SMAD1: variants seen among roughly 807,000 people sequenced by gnomAD.
SMAD1 encodes the protein SMAD family member 1.
In SMAD1, 6 loss-of-function variants were observed where a neutral mutation model predicts 41.6. The observed-to-expected ratio is 0.14, with a 90% CI of 0.08 to 0.28. SMAD1 has a LOEUF of 0.28. Ranked by LOEUF, SMAD1 falls within the 10% of genes least tolerant of loss-of-function variation. The pLI, the probability that SMAD1 is intolerant of heterozygous loss-of-function variation, is 1.00. For missense variants in SMAD1, 379 were observed against 582.6 expected (o/e 0.65, Z 3.60); for synonymous variants, 206 against 203.2 (o/e 1.01, Z -0.12).
intron 1 of SMAD1, among the ~76,000 whole-genome samples, chr4:145,510,667 G>A (rs1403619319): frequency 6.6e-6 from 1 of 152,082 alleles, no homozygotes; most frequent in East Asian, 1.9e-4. Context: ...TATTCCTTGC[G>A]TATTTGAAAG....
intron 1 of SMAD1, among the ~76,000 whole-genome samples, chr4:145,504,922 TTGGCCTTAAATTGCTGAAATAATA>T (rs1442486492): frequency 6.6e-6 from 1 of 152,258 alleles, no homozygotes; most frequent in Non-Finnish European, 1.5e-5. Context: ...AAAATATTTA[TTGGCCTTAAATTGCTGAAATAATA>T]TGGTTTTTCC....
intron 2 of SMAD1, among the ~76,000 whole-genome samples, chr4:145,524,670 C>T (rs1251298804): frequency 6.6e-6 from 1 of 151,678 alleles, no homozygotes; most frequent in African/African-American, 2.4e-5. Flanking sequence ...ATTAGGTGGG[C>T]AAGAGAAGAT....
chr4:145,518,582 A>G (rs941576860), intron 2 of SMAD1, among the ~76,000 whole-genome samples: 1 of 126,140 alleles, frequency 7.9e-6, no homozygotes, highest in African/African-American at 2.5e-5. Context: ...ACACCTGGGT[A>G]TTGTTTTTGT....
intron 2 of SMAD1, among the ~76,000 whole-genome samples, chr4:145,533,593 A>T (rs1181067465): frequency 1.3e-5 from 2 of 152,126 alleles, no homozygotes; most frequent in Non-Finnish European, 2.9e-5. Flanking sequence ...CTGAGGCAGG[A>T]GGATCGCTTA....
intron 2 of SMAD1, among the ~76,000 whole-genome samples, chr4:145,527,058 TTAGAA>T (rs1046462368): frequency 1.3e-5 from 2 of 152,166 alleles, no homozygotes; most frequent in African/African-American, 4.8e-5. Context: ...TGTATCTTTC[TTAGAA>T]TAGAAACAAA....
At chr4:145,495,335 C>G (rs1398958689) in intron 1 of SMAD1, among the ~76,000 whole-genome samples, 1 of 152,158 alleles carries the variant, frequency 6.6e-6, no homozygotes, top group African/African-American at 2.4e-5. Flanking sequence ...TTCCTTACCC[C>G]TTACCACAAA....
intron 6 of SMAD1, 50 bp downstream of exon 6, chr4:145,554,090 GCT>G: frequency 2.2e-6 from 3 of 1,342,938 alleles, no homozygotes; most frequent in Non-Finnish European, 2.9e-6. Flanking sequence ...CTTTTGCTGT[GCT>G]TTTTTTTTTT....
At chr4:145,496,424 G>A (rs1262018989) in intron 1 of SMAD1, among the ~76,000 whole-genome samples, 1 of 152,108 alleles carries the variant, frequency 6.6e-6, no homozygotes, top group African/African-American at 2.4e-5. Flanking sequence ...AATTTAAAGT[G>A]CTCAAAACAG....
At chr4:145,490,664 A>C (rs1728726029) in intron 1 of SMAD1, among the ~76,000 whole-genome samples, 1 of 152,210 alleles carries the variant, frequency 6.6e-6, no homozygotes, top group South Asian at 2.1e-4. Flanking sequence ...TGATGAACTA[A>C]ATGAATTGAG....
At chr4:145,493,323 C>T (rs997713554) in intron 1 of SMAD1, among the ~76,000 whole-genome samples, 1 of 152,204 alleles carries the variant, frequency 6.6e-6, no homozygotes, top group Non-Finnish European at 1.5e-5. Context: ...AGAAATTATA[C>T]AGCTGGTTGC....
chr4:145,521,349 A>G (rs1168179867), intron 2 of SMAD1, among the ~76,000 whole-genome samples: 4 of 151,916 alleles, frequency 2.6e-5, no homozygotes, highest in Non-Finnish European at 5.9e-5. Flanking sequence ...TGTTTTTCAC[A>G]TGGTTCTTGA....
In SMAD1 at chr4:145,558,386, A is replaced by T. The variant is rs538701603; in HGVS notation, c.*452A>T. 6.6e-6 allele frequency among the ~76,000 whole-genome samples: 1 copy of T among 152,218 alleles called. No individual in the cohort carries two copies. Among genetic ancestry groups the T allele is most frequent in the Admixed American group, 6.5e-5 (1 of 15,288 alleles). ...TTGAGTCTTCTTTTCATGGGTTTTC[A>T]TAATATTTTAAAACTATTTGTTTAG... is the stretch of plus-strand genomic sequence containing the variant. On this transcript the variant is annotated 3_prime_UTR_variant, in exon 7 of 7. Transcript: ENST00000302085.
At position 145,533,412 on chromosome 4, in the gene SMAD1, G is replaced by A. The variant is rs567775819; in HGVS notation, c.401-6392G>A. On this transcript the variant is annotated intron_variant, in intron 2 of 6. Coordinates refer to ENST00000302085, the MANE Select transcript of SMAD1 (RefSeq NM_005900.3). ...TACTTATACAGTCTCCAGGGTGGGTGTGGTGGCTCATGCCTGTAATCCCAG... is the reference window on the plus strand; with the variant it reads ...TACTTATACAGTCTCCAGGGTGGGTATGGTGGCTCATGCCTGTAATCCCAG... Among the ~76,000 whole-genome samples, 4 of 152,352 alleles carry A rather than the reference G, an allele frequency of 2.6e-5. No homozygotes were observed. The East Asian group carries it at 7.7e-4, about 29-fold the overall frequency.
intron 2 of SMAD1, among the ~76,000 whole-genome samples, chr4:145,515,287 A>G (rs564396157): frequency 4.6e-5 from 7 of 152,230 alleles, no homozygotes; most frequent in African/African-American, 1.7e-4. Flanking sequence ...TTGTCATTGC[A>G]GTACTAATAC....
chr4:145,541,972 G>A (rs777878507), intron 3 of SMAD1, among the ~76,000 whole-genome samples: 8 of 152,218 alleles, frequency 5.3e-5, no homozygotes, highest in Admixed American at 1.3e-4. Context: ...TCTGAAATAG[G>A]AGATAGCTGT....
At chr4:145,497,282 A>C (rs1729134832) in intron 1 of SMAD1, 1 of 152,216 alleles carries the variant, frequency 6.6e-6, no homozygotes, top group Admixed American at 6.5e-5. Context: ...GGTAAGTAAC[A>C]CCGAGCTCAG....
intron 1 of SMAD1, among the ~76,000 whole-genome samples, chr4:145,499,034 T>TA (rs533709260): frequency 1.1e-3 from 170 of 152,262 alleles, no homozygotes; most frequent in Non-Finnish European, 2.1e-3. Context: ...CCATCCTCTA[T>TA]AAAAAACACC....
intron 3 of SMAD1, among the ~76,000 whole-genome samples, chr4:145,540,957 TTATTTATG>T (rs1167422629): frequency 6.6e-6 from 1 of 152,218 alleles, no homozygotes; most frequent in African/African-American, 2.4e-5. Context: ...TTGCTTTCTT[TTATTTATG>T]TATTTATTAC....
chr4:145,534,650 A>G (rs996789411), intron 2 of SMAD1, among the ~76,000 whole-genome samples: 1 of 152,234 alleles, frequency 6.6e-6, no homozygotes, highest in African/African-American at 2.4e-5. Flanking sequence ...GGCAACTCCA[A>G]TCACTGGGTC....
Sources: gnomAD v4.1 joint callset for allele counts (sites outside exome capture counted in the v4.1 genomes callset) on GRCh38, gnomAD v4.1.1 for gene constraint, MANE v1.5 for transcripts, NCBI Gene and HGNC (gene_info 2026-07-23, HGNC 2026-07-21) for gene names.